CABP2: variants seen among roughly 807,000 people sequenced by gnomAD.
The protein encoded by CABP2 is calcium binding protein 2, also known as calcium-binding protein 2.
Under a neutral mutation model 28.6 loss-of-function variants are expected in CABP2, and 25 were observed. That is an observed-to-expected ratio of 0.87 (90% CI 0.64 to 1.22). The LOEUF (loss-of-function observed/expected upper bound fraction) is 1.22. Among genes scored for constraint, CABP2 ranks in the 50% most tolerant of loss-of-function variants. The pLI, the probability that CABP2 is intolerant of heterozygous loss-of-function variation, is 0.00. For missense variants in CABP2, 310 were observed against 312.2 expected, an observed-to-expected ratio of 0.99 and a Z score of 0.05; for synonymous variants, 138 against 126.0, an observed-to-expected ratio of 1.09 and a Z score of -0.64.
At chr11:67,522,812 A>G in intron 1 of CABP2, 96 bp from the exon 2 acceptor site, 1 of 1,185,800 alleles carries the variant, frequency 8.4e-7, no homozygotes, top group Non-Finnish European at 1.1e-6. Context: ...CTGTCTTTGG[A>G]GCCCGGCATG....
At chr11:67,522,132 C>A in intron 2 of CABP2, 150 bp from the exon 3 acceptor site, 1 of 747,808 alleles carries the variant, frequency 1.3e-6, no homozygotes, top group Non-Finnish European at 2.3e-6. Flanking sequence ...TGGTTCCCAC[C>A]CCATCCTACT....
Position 67,522,867 on chromosome 11 carries a change from C to T in CABP2, c.43-151G>A, listed in dbSNP as rs886668695. On this transcript the variant is annotated intron_variant, in intron 1 of 6. Transcript: ENST00000294288. ...GGGGGGTAGAGAGAGGACCCTCACC[C>T]GTGAACTCTTTAGGCAGAAAGGGTC... 19 of 684,148 alleles carry T rather than the reference C, an allele frequency of 2.8e-5. No homozygotes were observed. The Admixed American group carries it at 4.0e-4, about 14-fold the overall frequency. The allele number at this position is 684,148 out of a possible 1,614,324, so 42.4% of individuals were successfully genotyped here.
Position 67,522,781 on chromosome 11 carries a change from C to G in CABP2, c.43-65G>C, listed in dbSNP as rs1345117179. On this transcript the variant is annotated intron_variant, in intron 1 of 6. Transcript: ENST00000294288. ...GAGCTCTGGGCCTGATAGCCCTCCC[C>G]ACTCCTCTCACCAGCTGCTCCTGTC... 2.2e-6 allele frequency: 3 copies of G among 1,358,104 alleles called. No homozygotes were observed. The African/African-American group carries it at 4.4e-5, about 20-fold the overall frequency. 84.1% of individuals were successfully genotyped at this position (1,358,104 alleles called of 1,614,324 possible). A position where few individuals can be genotyped will look rare whatever the true frequency, so the allele number is the denominator to read the frequency against.
At position 67,519,808 on chromosome 11, in the gene CABP2, G is replaced by A; in HGVS notation, c.622C>T (p.Leu208=). ...CAGGGGGTACCTTCGAAGTCGACCA[G>A]ACCGTCCCCATTGAGGTCCACGTCC... The part of the protein sequence containing the change: ...LQDVDLNGDG[L]VDFEEFVRMM... The change falls in exon 6 of 7, where the codon CTG becomes TTG. Residue 208 remains leucine, a synonymous_variant. Coordinates refer to ENST00000294288, the MANE Select transcript of CABP2 (RefSeq NM_016366.3). The A allele has an allele frequency of 6.2e-7, 1 of 1,614,014 alleles. No homozygotes were observed. The highest frequency in any genetic ancestry group is 1.1e-5 in the South Asian group (1 of 91,076).
Position 67,522,732 on chromosome 11 carries a change from C to A in CABP2, c.43-16G>T, listed in dbSNP as rs1866767709. On this transcript the variant is annotated splice_polypyrimidine_tract_variant and intron_variant, in intron 1 of 6. Transcript: ENST00000294288. ...GCAAGGGGTCCTGCAGCAGAGCCGG[C>A]CGTGAGCTGGGGCAGTGGCCGCTGA... 3 of 1,467,698 alleles carry A rather than the reference C, an allele frequency of 2.0e-6. No homozygotes were observed. Among genetic ancestry groups the A allele is most frequent in the Non-Finnish European group, 2.7e-6 (3 of 1,107,288 alleles). The allele number at this position is 1,467,698 out of a possible 1,614,324, so 90.9% of individuals were successfully genotyped here.
intron 6 of CABP2, 43 bp from the exon 7 acceptor site, chr11:67,519,207 G>T: frequency 6.2e-7 from 1 of 1,611,032 alleles, no homozygotes; most frequent in Non-Finnish European, 8.5e-7. Flanking sequence ...TCTCTGGACT[G>T]CGCTAGGAGT....
chr11:67,521,866 C>CCCAG, intron 3 of CABP2, 86 bp downstream of exon 3: 22 of 656,230 alleles, frequency 3.4e-5, no homozygotes, highest in East Asian at 6.1e-5. Context: ...GGCCCCCACC[C>CCCAG]GATGCCCCCC....
intron 2 of CABP2, 77 bp downstream of exon 2, chr11:67,522,469 T>A: frequency 1.4e-6 from 2 of 1,459,590 alleles, no homozygotes; most frequent in Non-Finnish European, 1.9e-6. Context: ...TGGGCTGGAG[T>A]GCGAGGGGCA....
Position 67,522,723 on chromosome 11 carries a change from C to T in CABP2, c.43-7G>A. 1 of 1,475,948 alleles carries T rather than the reference C, an allele frequency of 6.8e-7. No individual in the cohort carries two copies. Among genetic ancestry groups the T allele is most frequent in the East Asian group, 2.5e-5 (1 of 39,974 alleles). The allele number at this position is 1,475,948 out of a possible 1,614,324, so 91.4% of individuals were successfully genotyped here. A position where few individuals can be genotyped will look rare whatever the true frequency, so the allele number is the denominator to read the frequency against. On this transcript the variant is annotated splice_polypyrimidine_tract_variant and splice_region_variant and intron_variant, in intron 1 of 6. Coordinates refer to ENST00000294288, the MANE Select transcript of CABP2 (RefSeq NM_016366.3). Reference sequence around the variant, plus strand: ...CGAGCCACTGCAAGGGGTCCTGCAGCAGAGCCGGCCGTGAGCTGGGGCAGT... The same window carrying T: ...CGAGCCACTGCAAGGGGTCCTGCAGTAGAGCCGGCCGTGAGCTGGGGCAGT...
Position 67,523,380 on chromosome 11 carries a change from G to C in CABP2, c.-54C>G. 1 of 1,512,192 alleles carries C rather than the reference G, an allele frequency of 6.6e-7. No homozygotes were observed. The highest frequency in any genetic ancestry group is 8.9e-7 in the Non-Finnish European group (1 of 1,126,856). 93.7% of individuals were successfully genotyped at this position (1,512,192 alleles called of 1,614,324 possible). The stretch of plus-strand genomic sequence containing the variant: ...CCCGGGGGTGGCCCGGGTGGGCCTC[G>C]GCGGATGCTGCTGCCTGAGGACTCC... On this transcript the variant is annotated 5_prime_UTR_variant, in exon 1 of 7. Coordinates refer to ENST00000294288, the MANE Select transcript of CABP2 (RefSeq NM_016366.3).
chr11:67,523,276 C>G lies in CABP2; in HGVS notation c.42+9G>C. Reference sequence around the variant, plus strand: ...TCCTGGCCTGGGTTTCTCCCCTGACCCCTCCTACCTTAGGGCCCCGGCGCC... The same window carrying G: ...TCCTGGCCTGGGTTTCTCCCCTGACGCCTCCTACCTTAGGGCCCCGGCGCC... On this transcript the variant is annotated intron_variant, in intron 1 of 6. Coordinates refer to ENST00000294288, the MANE Select transcript of CABP2 (RefSeq NM_016366.3). 6.4e-7 allele frequency: 1 copy of G among 1,551,790 alleles called. No homozygotes were observed.
intron 6 of CABP2, among the ~76,000 whole-genome samples, 188 bp from the exon 7 acceptor site, chr11:67,519,352 A>G (rs1318888503): frequency 6.6e-6 from 1 of 152,232 alleles, no homozygotes. Flanking sequence ...GGAAAAACAA[A>G]CAAACCCTTG....
chr11:67,520,915 G>T, intron 4 of CABP2, 110 bp downstream of exon 4: 1 of 1,196,056 alleles, frequency 8.4e-7, no homozygotes, highest in Non-Finnish European at 1.2e-6. Context: ...CAAGGTCATG[G>T]GCTCTGGGGA....
chr11:67,521,557 T>C (rs1866747869), intron 3 of CABP2, among the ~76,000 whole-genome samples: 1 of 152,184 alleles, frequency 6.6e-6, no homozygotes, highest in Non-Finnish European at 1.5e-5. Context: ...GGAGAGCACA[T>C]GCACCATTTG....
chr11:67,522,477 G>T, intron 2 of CABP2, 69 bp downstream of exon 2: 1 of 1,507,542 alleles, frequency 6.6e-7, no homozygotes. Flanking sequence ...AGTGCGAGGG[G>T]CAAGGGCAGG....
chr11:67,523,313 G>A lies in CABP2; in HGVS notation c.14C>T (p.Ala5Val), dbSNP rs762893343. The change falls in exon 1 of 7, where the codon GCC (alanine) becomes GTC (valine). Residue 5 changes from alanine (A) to valine (V), a missense_variant. Transcript: ENST00000294288. ...AGGGCCCCGGCGCCAGGGCCGCTTG[G>A]CACAGTTCCCCATGGGCCCTGAACC... Reference protein sequence around the residue: MGNCAKRPWRRGPKD... With the variant: MGNCVKRPWRRGPKD... 17 of 1,555,198 alleles carry A rather than the reference G, an allele frequency of 1.1e-5. No individual in the cohort carries two copies. In the Admixed American group the frequency reaches 2.5e-4, roughly 23 times the overall value.
Position 67,520,131 on chromosome 11 carries a change from C to T in CABP2, c.409G>A (p.Val137Met). ...AGCAGCTTGGGGCCCATCAGCTCCA[C>T]GAAGTCTTCAAAGTCCACCTTTCCG... Reference protein sequence around the residue: ...SGGKVDFEDFVELMGPKLLAE... With the variant: ...SGGKVDFEDFMELMGPKLLAE... The change falls in exon 5 of 7, where the codon GTG becomes ATG. Residue 137 changes from valine to methionine, a missense_variant. Physicochemically the swap from Val to Met is conservative, Grantham distance 21. Coordinates refer to ENST00000294288, the MANE Select transcript of CABP2 (RefSeq NM_016366.3). 1.9e-6 allele frequency: 3 copies of T among 1,614,048 alleles called. No individual in the cohort carries two copies. Among genetic ancestry groups the T allele is most frequent in the Non-Finnish European group, 1.7e-6 (2 of 1,179,972 alleles).
chr11:67,522,644 C>A lies in CABP2; in HGVS notation c.115G>T (p.Gly39Trp). 6.5e-7 allele frequency: 1 copy of A among 1,545,478 alleles called. No homozygotes were observed. The highest frequency in any genetic ancestry group is 1.4e-5 in the African/African-American group (1 of 73,066). Residue 39 changes from glycine to tryptophan, a missense_variant, in exon 2 of 7, where the codon GGG (glycine) becomes TGG (tryptophan). Coordinates refer to ENST00000294288, the MANE Select transcript of CABP2 (RefSeq NM_016366.3). ...PSPSSSPKEQGDPAPGVQGYS... is the reference protein window; with the variant it reads ...PSPSSSPKEQWDPAPGVQGYS... ...CCCTGGACGCCTGGCGCGGGGTCCC[C>A]CTGCTCCTTGGGGCTGGAGCTGGGG...
intron 3 of CABP2, 70 bp from the exon 4 acceptor site, chr11:67,521,229 C>T (rs2134361631): frequency 1.3e-6 from 2 of 1,499,572 alleles, no homozygotes. Context: ...GCCTACCCTT[C>T]TCCCTTGGTC....
Sources: gnomAD v4.1 joint callset for allele counts (sites outside exome capture counted in the v4.1 genomes callset) on GRCh38, gnomAD v4.1.1 for gene constraint, MANE v1.5 for transcripts, NCBI Gene and HGNC (gene_info 2026-07-23, HGNC 2026-07-21) for gene names.